Variants in KCNH5 observed in about 807,000 individuals in gnomAD.
The protein encoded by KCNH5 is voltage-gated delayed rectifier potassium channel KCNH5.
In KCNH5, 46 loss-of-function variants were observed where a neutral mutation model predicts 96.1. The observed-to-expected ratio is 0.48, with a 90% CI of 0.38 to 0.61. The LOEUF (loss-of-function observed/expected upper bound fraction) is 0.61. Among genes scored for constraint, KCNH5 ranks in the 20% least tolerant of loss-of-function variants. The pLI is 0.00. For missense variants in KCNH5, 907 were observed against 1,225.8 expected (o/e 0.74, Z 3.88); for synonymous variants, 439 against 449.8 (o/e 0.98, Z 0.30).
chr14:62,776,009 C>A (rs1886087582), intron 10 of KCNH5, among the ~76,000 whole-genome samples: 1 of 151,966 alleles, frequency 6.6e-6, no homozygotes. Context: ...TGGCTCACAC[C>A]TGTAATCCCA....
At position 62,898,217 on chromosome 14, in the gene KCNH5, T is replaced by A. The variant is rs528610622; in HGVS notation, c.1370-48365A>T. On this transcript the variant is annotated intron_variant, in intron 7 of 10. Coordinates refer to ENST00000322893, the MANE Select transcript of KCNH5 (RefSeq NM_139318.5). ...AAGAGAAAAAATAATAACTATGATG[T>A]CTAATTTCTGGAGTTAAAACTAAAT... 2.6e-5 allele frequency among the ~76,000 whole-genome samples: 4 copies of A among 152,296 alleles called. No homozygotes were observed. The South Asian group carries it at 8.3e-4, about 32-fold the overall frequency.
chr14:62,736,062 G>A (rs1595599674), intron 10 of KCNH5, among the ~76,000 whole-genome samples: 2 of 152,300 alleles, frequency 1.3e-5, no homozygotes, highest in Admixed American at 1.3e-4. Context: ...CTAGATTTGT[G>A]AGTCGATAAA....
intron 10 of KCNH5, among the ~76,000 whole-genome samples, chr14:62,763,601 T>G (rs1298375760): frequency 6.6e-6 from 1 of 152,108 alleles, no homozygotes; most frequent in Non-Finnish European, 1.5e-5. Context: ...CAAAAGTTTT[T>G]CCTTTGAAAG....
intron 6 of KCNH5, among the ~76,000 whole-genome samples, chr14:62,961,835 G>GAGATGGAGATGC (rs374303129): frequency 5.8e-4 from 87 of 150,366 alleles, no homozygotes; most frequent in African/African-American, 2.1e-3. Flanking sequence ...GATAGAGATG[G>GAGATGGAGATGC]AGATGGAGAT....
chr14:62,782,666 C>T (rs57240009), intron 9 of KCNH5, among the ~76,000 whole-genome samples: 4,468 of 152,086 alleles, frequency 0.029, 241 homozygotes, highest in African/African-American at 0.1. Flanking sequence ...AAAAAATTAG[C>T]CGGGCGTGGT....
chr14:62,793,742 T>C (rs1362662318), intron 9 of KCNH5, among the ~76,000 whole-genome samples: 1 of 151,794 alleles, frequency 6.6e-6, no homozygotes, highest in Non-Finnish European at 1.5e-5. Flanking sequence ...TGTGAGGGGA[T>C]AGGCAGATTC....
In KCNH5 at chr14:62,837,860, C is replaced by T. The variant is rs187837254; in HGVS notation, c.1569+11793G>A. ...CCAGATTAAACAAGTGAAGTCTCTA[C>T]GGATGTACTGACATTTCAAATTGTG... On this transcript the variant is annotated intron_variant, in intron 8 of 10. Transcript: ENST00000322893. 1.9e-3 allele frequency among the ~76,000 whole-genome samples: 291 copies of T among 152,206 alleles called. 3 individuals carry two copies. Among genetic ancestry groups the T allele is most frequent in the Non-Finnish European group, 5.1e-4 (35 of 68,008 alleles).
At position 62,814,212 on chromosome 14, in the gene KCNH5, C is replaced by T. The variant is rs557526994; in HGVS notation, c.1570-11631G>A. On this transcript the variant is annotated intron_variant, in intron 8 of 10. Coordinates refer to ENST00000322893, the MANE Select transcript of KCNH5 (RefSeq NM_139318.5). Reference sequence around the variant, plus strand: ...GCTTCAGAATCATCGTGAACCAATTCTACCAGGTTTTTCACAATATTAGTT... The same window carrying T: ...GCTTCAGAATCATCGTGAACCAATTTTACCAGGTTTTTCACAATATTAGTT... 2.4e-4 allele frequency among the ~76,000 whole-genome samples: 36 copies of T among 151,986 alleles called. 1 individual carries two copies. Among genetic ancestry groups the T allele is most frequent in the Middle Eastern group, 3.4e-3 (1 of 294 alleles).
At chr14:62,733,722 G>A (rs1011249207) in intron 10 of KCNH5, among the ~76,000 whole-genome samples, 10 of 152,082 alleles carry the variant, frequency 6.6e-5, no homozygotes, top group Non-Finnish European at 1.0e-4. Context: ...ACTTAGTGGA[G>A]ATCACCCCGC....
At chr14:62,733,895 C>T (rs1156765451) in intron 10 of KCNH5, among the ~76,000 whole-genome samples, 5 of 152,134 alleles carry the variant, frequency 3.3e-5, no homozygotes, top group African/African-American at 4.8e-5. Flanking sequence ...TTTAACATTA[C>T]GTTCTTTTCC....
chr14:63,009,202 A>G (rs2139600126), intron 2 of KCNH5, among the ~76,000 whole-genome samples: 1 of 152,284 alleles, frequency 6.6e-6, no homozygotes, highest in Admixed American at 6.5e-5. Flanking sequence ...AACTCCAATA[A>G]GATTTAAAAG....
intron 6 of KCNH5, among the ~76,000 whole-genome samples, chr14:62,951,437 G>T (rs998621729): frequency 6.6e-6 from 1 of 152,122 alleles, no homozygotes; most frequent in African/African-American, 2.4e-5. Flanking sequence ...GGCAGGGAGG[G>T]AAAATGGAGC....
intron 10 of KCNH5, among the ~76,000 whole-genome samples, chr14:62,754,888 G>GTAAAA (rs567937783): frequency 1.7e-3 from 222 of 134,018 alleles, no homozygotes; most frequent in African/African-American, 4.9e-3. Flanking sequence ...ATAAAATAAA[G>GTAAAA]TAAAATAAAA....
chr14:62,921,336 T>C (rs946038632), intron 7 of KCNH5, among the ~76,000 whole-genome samples: 1 of 152,128 alleles, frequency 6.6e-6, no homozygotes, highest in Admixed American at 6.6e-5. Context: ...TTAAAATCTG[T>C]TCTTTAAAAT....
chr14:62,954,275 C>G (rs1890058683), intron 6 of KCNH5, among the ~76,000 whole-genome samples: 1 of 152,202 alleles, frequency 6.6e-6, no homozygotes, highest in Non-Finnish European at 1.5e-5. Context: ...CATACTCTCC[C>G]CCGTCCCCCA....
intron 7 of KCNH5, among the ~76,000 whole-genome samples, chr14:62,858,651 T>G (rs1334066057): frequency 1.3e-5 from 2 of 152,164 alleles, no homozygotes; most frequent in African/African-American, 4.8e-5. Context: ...CAGCAGAATG[T>G]AATATCGCAG....
intron 7 of KCNH5, among the ~76,000 whole-genome samples, chr14:62,876,828 A>G (rs111455432): frequency 1.3e-5 from 2 of 152,236 alleles, no homozygotes; most frequent in South Asian, 2.1e-4. Flanking sequence ...GAGAAAAGAC[A>G]GTAGTCCACA....
At chr14:62,899,966 A>C (rs1242897016) in intron 7 of KCNH5, among the ~76,000 whole-genome samples, 1 of 152,234 alleles carries the variant, frequency 6.6e-6, no homozygotes, top group African/African-American at 2.4e-5. Context: ...CTTGTAATCA[A>C]CAACGACTTC....
rs1363187043 is a variant in KCNH5 at position 63,001,468 on chromosome 14, G to T, written c.305-9C>A. The T allele has an allele frequency of 6.2e-7, 1 of 1,606,838 alleles. No individual in the cohort carries two copies. The highest frequency in any genetic ancestry group is 8.5e-7 in the Non-Finnish European group (1 of 1,176,906). ...AAACCAAACAGGGGTTCCTGTAACA[G>T]AAAGAAGTTGGGGAAAGGACATTAG... On this transcript the variant is annotated splice_polypyrimidine_tract_variant and intron_variant, in intron 3 of 10. Transcript: ENST00000322893.
Sources: gnomAD v4.1 joint callset for allele counts (sites outside exome capture counted in the v4.1 genomes callset) on GRCh38, gnomAD v4.1.1 for gene constraint, MANE v1.5 for transcripts, NCBI Gene and HGNC (gene_info 2026-07-23, HGNC 2026-07-21) for gene names.